HNRNPUL1: variants seen among roughly 807,000 people sequenced by gnomAD.
HNRNPUL1 encodes the protein heterogeneous nuclear ribonucleoprotein U-like protein 1.
In HNRNPUL1, 14 loss-of-function variants were observed where a neutral mutation model predicts 108.5. The observed-to-expected ratio is 0.13, with a 90% CI of 0.09 to 0.20. HNRNPUL1 has a LOEUF of 0.20. Among genes scored for constraint, HNRNPUL1 ranks in the 10% least tolerant of loss-of-function variants. The probability of loss-of-function intolerance (pLI) is 1.00; values close to 1 mark genes in which losing one functional copy is unlikely to be tolerated. For synonymous variants in HNRNPUL1, 422 were observed against 445.2 expected, an observed-to-expected ratio of 0.95 and a Z score of 0.66; for missense variants, 804 against 1,168.3, an observed-to-expected ratio of 0.69 and a Z score of 4.55.
intron 10 of HNRNPUL1, among the ~76,000 whole-genome samples, chr19:41,297,053 G>A (rs978183606): frequency 1.3e-5 from 2 of 152,218 alleles, no homozygotes; most frequent in African/African-American, 4.8e-5. Flanking sequence ...CAAACTCTCA[G>A]GTATATCGGG....
In HNRNPUL1 at chr19:41,281,274, C is replaced by A; in HGVS notation, c.998C>A (p.Ala333Glu). The A allele has an allele frequency of 6.2e-7, 1 of 1,604,750 alleles. No homozygotes were observed. Among genetic ancestry groups the A allele is most frequent in the Non-Finnish European group, 8.5e-7 (1 of 1,171,504 alleles). ...GAGAACGATGTGATTGGCTGCTTTG[C>A]GGTGAGTGCTAGCAGCCTGTGGGAG... is the stretch of plus-strand genomic sequence containing the variant. ...FAENDVIGCF[A>E]DFECGNDVEL... Residue 333 changes from alanine to glutamate, a missense_variant and splice_region_variant, in exon 7 of 15, where the codon GCG (alanine) becomes GAG (glutamate). Transcript: ENST00000392006.
chr19:41,290,155 A>G (rs558596580), intron 7 of HNRNPUL1, among the ~76,000 whole-genome samples: 5 of 152,290 alleles, frequency 3.3e-5, no homozygotes, highest in South Asian at 4.2e-4. Context: ...TTGAAGGGCA[A>G]TTCCCAAGGT....
At chr19:41,269,359 A>G (rs1325852576) in intron 2 of HNRNPUL1, among the ~76,000 whole-genome samples, 1 of 151,562 alleles carries the variant, frequency 6.6e-6, no homozygotes. Flanking sequence ...ACACACCTAT[A>G]GTTAAAGCTA....
Position 41,264,490 on chromosome 19 carries a change from C to A in HNRNPUL1, c.-14C>A. ...GCCGGGCCGGGCTCGGGGGCCACCC[C>A]GGGGGCCCGGGCCATGGATGTGCGC... On this transcript the variant is annotated 5_prime_UTR_variant, in exon 1 of 15. Coordinates refer to ENST00000392006, the MANE Select transcript of HNRNPUL1 (RefSeq NM_007040.6). 7.4e-7 allele frequency: 1 copy of A among 1,353,096 alleles called. No homozygotes were observed. Among genetic ancestry groups the A allele is most frequent in the Non-Finnish European group, 9.5e-7 (1 of 1,051,348 alleles). 83.8% of individuals were successfully genotyped at this position (1,353,096 alleles called of 1,614,324 possible). A position where few individuals can be genotyped will look rare whatever the true frequency, so the allele number is the denominator to read the frequency against.
chr19:41,294,067 C>T lies in HNRNPUL1; in HGVS notation c.1267-271C>T, dbSNP rs550673973. Reference sequence around the variant, plus strand: ...GCACTTGGTTTTTTGTTTTTGTTTTCCCCCGAAAGTCCTGGGATTATAGGC... The same window carrying T: ...GCACTTGGTTTTTTGTTTTTGTTTTTCCCCGAAAGTCCTGGGATTATAGGC... On this transcript the variant is annotated intron_variant, in intron 8 of 14. Coordinates refer to ENST00000392006, the MANE Select transcript of HNRNPUL1 (RefSeq NM_007040.6). The surrounding 1 kb of genome is among the most constrained non-coding windows in gnomAD (Gnocchi z 4.3). Among the ~76,000 whole-genome samples the T allele has an allele frequency of 6.6e-6, 1 of 152,110 alleles. No homozygotes were observed. The highest frequency in any genetic ancestry group is 1.9e-4 in the East Asian group (1 of 5,178).
intron 3 of HNRNPUL1, among the ~76,000 whole-genome samples, chr19:41,272,960 C>G (rs1307319279): frequency 6.6e-6 from 1 of 152,172 alleles, no homozygotes; most frequent in Non-Finnish European, 1.5e-5. Flanking sequence ...CTGGACTAGT[C>G]ATCTGACATT....
At position 41,264,717 on chromosome 19, in the gene HNRNPUL1, C is replaced by G; in HGVS notation, c.214C>G (p.Leu72Val). 1 of 1,470,268 alleles carries G rather than the reference C, an allele frequency of 6.8e-7. No individual in the cohort carries two copies. The highest frequency in any genetic ancestry group is 9.0e-7 in the Non-Finnish European group (1 of 1,114,118). The allele number at this position is 1,470,268 out of a possible 1,614,324, so 91.1% of individuals were successfully genotyped here. Residue 72 changes from leucine (L) to valine (V), a missense_variant, in exon 1 of 15, where the codon CTG (leucine) becomes GTG (valine). This residue lies in a region of HNRNPUL1 where 256 missense variants were observed against 261.6 expected (regional missense o/e 0.98). Transcript: ENST00000392006. Reference protein sequence around the residue: ...EEVETEGGSELEGTAQPPPPG... With the variant: ...EEVETEGGSEVEGTAQPPPPG... The stretch of plus-strand genomic sequence containing the variant: ...GGTCGAGACCGAGGGGGGCTCCGAG[C>G]TGGAGGGGACCGCGCAGCCACCGCC...
chr19:41,280,019 C>T (rs2035812394), intron 6 of HNRNPUL1, among the ~76,000 whole-genome samples: 1 of 152,148 alleles, frequency 6.6e-6, no homozygotes, highest in African/African-American at 2.4e-5. Context: ...TAACAAGTCC[C>T]CTTCTGTAGC....
At chr19:41,301,421 C>A in intron 10 of HNRNPUL1, 115 bp from the exon 11 acceptor site, 1 of 803,066 alleles carries the variant, frequency 1.2e-6, no homozygotes, top group South Asian at 2.0e-5. Context: ...AGTTTCTCTG[C>A]TTACAAGGAG....
chr19:41,275,762 A>G (rs2035514350), intron 4 of HNRNPUL1, among the ~76,000 whole-genome samples: 2 of 152,176 alleles, frequency 1.3e-5, no homozygotes, highest in Admixed American at 6.5e-5. Flanking sequence ...ACTCCTGGTC[A>G]GCACTTGGGG....
intron 7 of HNRNPUL1, among the ~76,000 whole-genome samples, chr19:41,291,538 C>T (rs1373530200): frequency 6.6e-6 from 1 of 152,170 alleles, no homozygotes; most frequent in African/African-American, 2.4e-5. Context: ...CTCAAGCATC[C>T]TCCTGCCTTG....
chr19:41,281,078 C>T, intron 6 of HNRNPUL1, 85 bp from the exon 7 acceptor site: 3 of 847,242 alleles, frequency 3.5e-6, no homozygotes, highest in Admixed American at 2.1e-5. Flanking sequence ...TGATTTTTTT[C>T]TTCAAAAATA....
chr19:41,275,788 G>T (rs892799183), intron 4 of HNRNPUL1, among the ~76,000 whole-genome samples: 1 of 152,152 alleles, frequency 6.6e-6, no homozygotes, highest in Non-Finnish European at 1.5e-5. Flanking sequence ...CCCTCTGCCT[G>T]CTTCTTTCTT....
At chr19:41,303,047 C>T (rs1435234635) in intron 12 of HNRNPUL1, 98 bp downstream of exon 12, 9 of 1,334,948 alleles carry the variant, frequency 6.7e-6, no homozygotes, top group Non-Finnish European at 9.1e-6. Flanking sequence ...TTTCTGAGCT[C>T]CAGCTGTGAG....
chr19:41,272,219 C>T lies in HNRNPUL1; in HGVS notation c.556C>T (p.His186Tyr). Reference protein sequence around the residue: ...EENRGRGYFEHREDRRGRSPQ... With the variant: ...EENRGRGYFEYREDRRGRSPQ... ...AAACCGGGGACGGGGGTACTTTGAG[C>T]ACCGAGAGGATAGGAGGTGGGTGTA... The change falls in exon 3 of 15, where the codon CAC (histidine) becomes TAC (tyrosine). Residue 186 changes from histidine to tyrosine, a missense_variant. Around this residue, in one of 4 missense-constraint regions of HNRNPUL1, gnomAD observed 256 missense variants for 261.6 expected, o/e 0.98. Transcript: ENST00000392006. The T allele has an allele frequency of 6.2e-7, 1 of 1,613,720 alleles. No homozygotes were observed. Among genetic ancestry groups the T allele is most frequent in the South Asian group, 1.1e-5 (1 of 91,052 alleles).
At position 41,264,695 on chromosome 19, in the gene HNRNPUL1, C is replaced by T. The variant is rs778371715; in HGVS notation, c.192C>T (p.Val64=). 2 of 1,553,764 alleles carry T rather than the reference C, an allele frequency of 1.3e-6. No homozygotes were observed. The highest frequency in any genetic ancestry group is 1.4e-5 in the African/African-American group (1 of 71,192). Residue 64 remains valine, a synonymous_variant, in exon 1 of 15, where the codon GTC becomes GTT. Coordinates refer to ENST00000392006, the MANE Select transcript of HNRNPUL1 (RefSeq NM_007040.6). ...GACCCGGGCACATCAACGAGGAGGT[C>T]GAGACCGAGGGGGGCTCCGAGCTGG... ...PGRPGHINEE[V]ETEGGSELEG...
chr19:41,297,093 G>A (rs1263450099), intron 10 of HNRNPUL1, among the ~76,000 whole-genome samples: 3 of 152,240 alleles, frequency 2.0e-5, no homozygotes, highest in African/African-American at 7.2e-5. Flanking sequence ...GATAACCTGA[G>A]TAGCCTTTTG....
chr19:41,305,838 C>T lies in HNRNPUL1; in HGVS notation c.2425C>T (p.Pro809Ser), dbSNP rs199930928. ...PPPPPTAQTYPQPSYNQYQQY... is the reference protein window; with the variant it reads ...PPPPPTAQTYSQPSYNQYQQY... ...GCCACCCCCCACTGCACAGACCTAC[C>T]CTCAGCCCAGCTATAACCAGTATCA... is the stretch of plus-strand genomic sequence containing the variant. The change falls in exon 14 of 15, where the codon CCT becomes TCT. Residue 809 changes from proline to serine, a missense_variant. By Grantham distance (74) the Pro-to-Ser change is moderately conservative (BLOSUM62 -1). Around this residue, in one of 4 missense-constraint regions of HNRNPUL1, gnomAD observed 294 missense variants for 388.3 expected, o/e 0.76. Coordinates refer to ENST00000392006, the MANE Select transcript of HNRNPUL1 (RefSeq NM_007040.6). 3.7e-6 allele frequency: 6 copies of T among 1,610,798 alleles called. No homozygotes were observed. The East Asian group carries it at 1.1e-4, about 30-fold the overall frequency.
rs2036675902 is a variant in HNRNPUL1 at position 41,292,962 on chromosome 19, A to C, written c.1266+451A>C. 6.6e-6 allele frequency among the ~76,000 whole-genome samples: 1 copy of C among 151,984 alleles called. No homozygotes were observed. The highest frequency in any genetic ancestry group is 2.4e-5 in the African/African-American group (1 of 41,366). On this transcript the variant is annotated intron_variant, in intron 8 of 14. Coordinates refer to ENST00000392006, the MANE Select transcript of HNRNPUL1 (RefSeq NM_007040.6). The surrounding 1 kb of genome is among the most constrained non-coding windows in gnomAD (Gnocchi z 4.1). ...CAGGCTCAAGTGATCCTCCCACCTC[A>C]GCTTCTCGAGTAGCTGGGACCACAG...
Sources: gnomAD v4.1 joint callset for allele counts (sites outside exome capture counted in the v4.1 genomes callset) on GRCh38, gnomAD v4.1.1 for gene constraint, gnomAD v4.1.1 regional missense constraint, Gnocchi (gnomAD v3.1) non-coding constraint, MANE v1.5 for transcripts, NCBI Gene and HGNC (gene_info 2026-07-23, HGNC 2026-07-21) for gene names.